Variants in ZWINT observed in about 807,000 individuals in gnomAD.
ZWINT encodes ZW10 interacting kinetochore protein, also known as outer kinetochore KNL1 complex subunit ZWINT.
ZWINT carries 41 observed loss-of-function variants against 41.5 expected under a neutral mutation model. That is an observed-to-expected ratio of 0.99 (90% CI 0.77 to 1.28). ZWINT has a LOEUF of 1.28. ZWINT is among the 50% of genes most tolerant of loss of function. The pLI, the probability that ZWINT is intolerant of heterozygous loss-of-function variation, is 0.00. For synonymous variants in ZWINT, 132 were observed against 126.8 expected (o/e 1.04, Z -0.28); for missense variants, 369 against 329.7 (o/e 1.12, Z -0.92).
rs2132104389 is a variant in ZWINT, at chr10:56,359,722, G to C, written c.388C>G (p.Gln130Glu). 6.2e-7 allele frequency: 1 copy of C among 1,614,190 alleles called. No individual in the cohort carries two copies. Among genetic ancestry groups the C allele is most frequent in the East Asian group, 2.2e-5 (1 of 44,866 alleles). The change falls in exon 4 of 9, where the codon CAA becomes GAA. Residue 130 changes from glutamine (Q) to glutamate (E), a missense_variant. Transcript: ENST00000373944. ...QMEEAQRKRT[Q>E]LREAFEQLQA... ...AGCTGCTCAAAGGCTTCCCGGAGTT[G>C]TGTCCGTTTCCTCTGGGCTTCCTCC...
chr10:56,357,991 T>C lies in ZWINT; in HGVS notation c.*236A>G, dbSNP rs113209184. The C allele has an allele frequency of 3.4e-4, 165 of 487,746 alleles. No individual in the cohort carries two copies. Among genetic ancestry groups the C allele is most frequent in the African/African-American group, 3.0e-3 (154 of 51,362 alleles). The allele number at this position is 487,746 out of a possible 1,614,324, so 30.2% of individuals were successfully genotyped here. On this transcript the variant is annotated 3_prime_UTR_variant, in exon 9 of 9. Coordinates refer to ENST00000373944, the MANE Select transcript of ZWINT (RefSeq NM_007057.4). ...ACCAGTCCCAGCTCCTGTCATGTTATTGGCTTCTGAGTATCTGTATTAATA... is the reference window on the plus strand; with the variant it reads ...ACCAGTCCCAGCTCCTGTCATGTTACTGGCTTCTGAGTATCTGTATTAATA...
At chr10:56,359,077 AG>A in intron 5 of ZWINT, 130 bp from the exon 6 acceptor site, 1 of 1,103,636 alleles carries the variant, frequency 9.1e-7, no homozygotes. Context: ...TATTCACTTC[AG>A]GGTGGAGTAG....
At position 56,358,141 on chromosome 10, in the gene ZWINT, AGT is replaced by A; in HGVS notation, c.*84_*85del. The A allele has an allele frequency of 1.4e-6, 1 of 707,850 alleles. No individual in the cohort carries two copies. Among genetic ancestry groups the A allele is most frequent in the Non-Finnish European group, 2.7e-6 (1 of 372,240 alleles). The allele number at this position is 707,850 out of a possible 1,614,324, so 43.8% of individuals were successfully genotyped here. On this transcript the variant is annotated 3_prime_UTR_variant, in exon 9 of 9. Transcript: ENST00000373944. ...AATCAAGCTGAACTCAGGAGTTCAC[AGT>A]CTTTCCTGTAATGATGGTTGGGAGG...
At chr10:56,360,422 G>T (rs750682491) in intron 1 of ZWINT, 39 bp from the exon 2 acceptor site, 1 of 1,555,086 alleles carries the variant, frequency 6.4e-7, no homozygotes, top group Non-Finnish European at 8.9e-7. Context: ...GCAGTTTCTT[G>T]TGGTGCTAGT....
In ZWINT at chr10:56,358,536, C is replaced by A; in HGVS notation, c.792+20G>T. On this transcript the variant is annotated intron_variant, in intron 7 of 8. Transcript: ENST00000373944. ...TCTCCACCTGCCAGCCCATGCCCAC[C>A]TGTTCCATCTCTCATTTACCTTGAA... 1 of 1,613,958 alleles carries A rather than the reference C, an allele frequency of 6.2e-7. No individual in the cohort carries two copies. The highest frequency in any genetic ancestry group is 8.5e-7 in the Non-Finnish European group (1 of 1,179,922).
intron 5 of ZWINT, among the ~76,000 whole-genome samples, 170 bp downstream of exon 5, chr10:56,359,306 C>T (rs1343305270): frequency 6.6e-6 from 1 of 152,086 alleles, no homozygotes; most frequent in Non-Finnish European, 1.5e-5. Context: ...GTTAGGTGAC[C>T]TGCCCAAGAT....
intron 5 of ZWINT, 143 bp from the exon 6 acceptor site, chr10:56,359,090 G>C: frequency 9.5e-7 from 1 of 1,049,112 alleles, no homozygotes; most frequent in South Asian, 1.7e-5. Flanking sequence ...GTGGAGTAGG[G>C]GCCTAGAGAA....
At chr10:56,361,115 A>G (rs1838323828) in intron 1 of ZWINT, 81 bp downstream of exon 1, 4 of 1,501,820 alleles carry the variant, frequency 2.7e-6, no homozygotes, top group Middle Eastern at 2.0e-4. Flanking sequence ...TACAGGGTCG[A>G]GGGCACCAAT....
rs1356329358 is a variant in ZWINT, at chr10:56,359,485, C to G, written c.471G>C (p.Gln157His). The G allele has an allele frequency of 6.5e-7, 1 of 1,534,800 alleles. No individual in the cohort carries two copies. Among genetic ancestry groups the G allele is most frequent in the East Asian group, 2.3e-5 (1 of 44,282 alleles). ...AGGGGGACGAACCTACCTGTTGTAG[C>G]TGCCACTGGTTCTGGACTGCTCTGC... ...EKRRAVQNQW[Q>H]LQQEKHLQHL... Residue 157 changes from glutamine (Q) to histidine (H), a missense_variant, in exon 5 of 9, where the codon CAG becomes CAC. Gln to His is a conservative substitution (Grantham distance 24, BLOSUM62 0). Transcript: ENST00000373944.
rs77718558 is a variant in ZWINT at position 56,359,992 on chromosome 10, G to C, written c.256+26C>G. The C allele has an allele frequency of 1.1e-3, 1,757 of 1,612,726 alleles. 16 individuals are homozygous for C. In the African/African-American group the frequency reaches 0.021, roughly 19 times the overall value. Reference sequence around the variant, plus strand: ...CCTTCCTTCCCCACTCAGGTCAGCTGCTACTACAATCCCCTGCCTACTCAC... The same window carrying C: ...CCTTCCTTCCCCACTCAGGTCAGCTCCTACTACAATCCCCTGCCTACTCAC... On this transcript the variant is annotated intron_variant, in intron 3 of 8. Coordinates refer to ENST00000373944, the MANE Select transcript of ZWINT (RefSeq NM_007057.4).
chr10:56,360,130 C>T lies in ZWINT; in HGVS notation c.144G>A (p.Lys48=), dbSNP rs373884283. The change falls in exon 3 of 9, where the codon AAG becomes AAA. Residue 48 remains lysine, a synonymous_variant. Coordinates refer to ENST00000373944, the MANE Select transcript of ZWINT (RefSeq NM_007057.4). ...GCTGGCTGCAGAGCAGCTTGTCTTTCTTCTGAGAGTCCTGCTCAGAGGGAG... is the reference window on the plus strand; with the variant it reads ...GCTGGCTGCAGAGCAGCTTGTCTTTTTTCTGAGAGTCCTGCTCAGAGGGAG... ...ILVEFVVDSQ[K]KDKLLCSQLQ... is the part of the protein sequence containing the mutation. 732 of 1,614,070 alleles carry T rather than the reference C, an allele frequency of 4.5e-4. 5 individuals carry two copies. The South Asian group carries it at 7.6e-3, about 17-fold the overall frequency.
At chr10:56,360,207 C>A in intron 2 of ZWINT, 66 bp from the exon 3 acceptor site, 1 of 1,611,672 alleles carries the variant, frequency 6.2e-7, no homozygotes, top group Non-Finnish European at 8.5e-7. Context: ...TAAGTCTGCT[C>A]TCTGCCAGTG....
In ZWINT at chr10:56,359,487, G is replaced by T; in HGVS notation, c.469C>A (p.Gln157Lys). The T allele has an allele frequency of 6.5e-7, 1 of 1,535,782 alleles. No individual in the cohort carries two copies. The highest frequency in any genetic ancestry group is 8.7e-7 in the Non-Finnish European group (1 of 1,145,260). ...EKRRAVQNQWQLQQEKHLQHL... is the reference protein window; with the variant it reads ...EKRRAVQNQWKLQQEKHLQHL... The stretch of plus-strand genomic sequence containing the variant: ...GGGGACGAACCTACCTGTTGTAGCT[G>T]CCACTGGTTCTGGACTGCTCTGCGT... The change falls in exon 5 of 9, where the codon CAG (glutamine) becomes AAG (lysine). Residue 157 changes from glutamine to lysine, a missense_variant. Coordinates refer to ENST00000373944, the MANE Select transcript of ZWINT (RefSeq NM_007057.4).
At position 56,358,036 on chromosome 10, in the gene ZWINT, G is replaced by T. The variant is rs932370488; in HGVS notation, c.*191C>A. 3.6e-6 allele frequency: 2 copies of T among 552,274 alleles called. No individual in the cohort carries two copies. Among genetic ancestry groups the T allele is most frequent in the African/African-American group, 3.8e-5 (2 of 52,924 alleles). 34.2% of individuals were successfully genotyped at this position (552,274 alleles called of 1,614,324 possible). On this transcript the variant is annotated 3_prime_UTR_variant, in exon 9 of 9. Transcript: ENST00000373944. ...TTAATAGTTGTTCCTGCCAGCATATGAAGATGAACAAATACACAACTGAGA... is the reference window on the plus strand; with the variant it reads ...TTAATAGTTGTTCCTGCCAGCATATTAAGATGAACAAATACACAACTGAGA...
Position 56,359,739 on chromosome 10 carries a change from G to A in ZWINT, c.371C>T (p.Ala124Val). 1 of 1,614,134 alleles carries A rather than the reference G, an allele frequency of 6.2e-7. No individual in the cohort carries two copies. Among genetic ancestry groups the A allele is most frequent in the Non-Finnish European group, 8.5e-7 (1 of 1,180,024 alleles). Residue 124 changes from alanine (A) to valine (V), a missense_variant, in exon 4 of 9, where the codon GCC (alanine) becomes GTC (valine). Physicochemically the swap from Ala to Val is moderately conservative, Grantham distance 64. Coordinates refer to ENST00000373944, the MANE Select transcript of ZWINT (RefSeq NM_007057.4). Reference protein sequence around the residue: ...LTKALTQMEEAQRKRTQLREA... With the variant: ...LTKALTQMEEVQRKRTQLREA... ...CCGGAGTTGTGTCCGTTTCCTCTGG[G>A]CTTCCTCCATCTGAGTCAGGGCCTT...
At chr10:56,359,558 C>A (rs1332974767) in intron 4 of ZWINT, 26 bp from the exon 5 acceptor site, 2 of 1,560,662 alleles carry the variant, frequency 1.3e-6, no homozygotes. Context: ...GGAGAAAGAC[C>A]AAGAGAAGTC....
In ZWINT at chr10:56,359,711, T is replaced by C; in HGVS notation, c.399A>G (p.Glu133=). The change falls in exon 4 of 9, where the codon GAA becomes GAG. Residue 133 remains glutamate (E), a synonymous_variant. Transcript: ENST00000373944. ...CCTTGGCCTGGAGCTGCTCAAAGGCTTCCCGGAGTTGTGTCCGTTTCCTCT... is the reference window on the plus strand; with the variant it reads ...CCTTGGCCTGGAGCTGCTCAAAGGCCTCCCGGAGTTGTGTCCGTTTCCTCT... ...EAQRKRTQLR[E]AFEQLQAKKQ... 6.2e-7 allele frequency: 1 copy of C among 1,614,198 alleles called. No individual in the cohort carries two copies. The highest frequency in any genetic ancestry group is 8.5e-7 in the Non-Finnish European group (1 of 1,180,030).
Position 56,359,534 on chromosome 10 carries a change from T to G in ZWINT, c.424-2A>C. The G allele has an allele frequency of 6.4e-7, 1 of 1,555,318 alleles. No individual in the cohort carries two copies. Among genetic ancestry groups the G allele is most frequent in the Non-Finnish European group, 8.7e-7 (1 of 1,155,430 alleles). ...GCGTTTCTCCATGGCCATTTGTTTC[T>G]ACAGATAAGCAAGGGAGAAAGACCA... is the stretch of plus-strand genomic sequence containing the variant. On this transcript the variant is annotated splice_acceptor_variant, in intron 4 of 8. Coordinates refer to ENST00000373944, the MANE Select transcript of ZWINT (RefSeq NM_007057.4). LOFTEE classifies it high-confidence loss of function.
intron 2 of ZWINT, 62 bp downstream of exon 2, chr10:56,360,231 C>A: frequency 6.2e-7 from 1 of 1,611,056 alleles, no homozygotes; most frequent in Non-Finnish European, 8.5e-7. Flanking sequence ...CCCTGTATCT[C>A]AGTAAGAGGA....
Sources: allele counts gnomAD v4.1 joint callset (sites outside exome capture counted in the v4.1 genomes callset), GRCh38; gene constraint gnomAD v4.1.1; transcripts MANE v1.5; gene names NCBI Gene and HGNC (gene_info 2026-07-23, HGNC 2026-07-21).